The following KCNH5 variants were observed in gnomAD, a reference collection of about 807,000 sequenced individuals.
KCNH5 encodes potassium voltage-gated channel subfamily H member 5, also known as voltage-gated delayed rectifier potassium channel KCNH5.
A neutral mutation model predicts 96.1 loss-of-function variants in KCNH5; 46 were observed. The observed-to-expected ratio is 0.48, with a 90% CI of 0.38 to 0.61. KCNH5 has a LOEUF of 0.61. KCNH5 is among the 20% of genes least tolerant of loss of function. KCNH5 has a pLI of 0.00. For missense variants in KCNH5, 907 were observed against 1,225.8 expected (o/e 0.74, Z 3.88); for synonymous variants, 439 against 449.8 (o/e 0.98, Z 0.30).
rs1884418566 is a variant in KCNH5, at chr14:62,705,811, C to T, written c.*1697G>A. 6.6e-6 allele frequency: 1 copy of T among 152,056 alleles called. No homozygotes were observed. The highest frequency in any genetic ancestry group is 2.4e-5 in the African/African-American group (1 of 41,434). The allele number at this position is 152,056 out of a possible 1,614,324, so 9.4% of individuals were successfully genotyped here. The stretch of plus-strand genomic sequence containing the variant: ...ATACTGGGAGATAGAAAAGCTCATA[C>T]AAATGGGTATAATAGATCAAGATAT... On this transcript the variant is annotated 3_prime_UTR_variant, in exon 11 of 11. Transcript: ENST00000322893.
chr14:62,801,546 C>A, intron 9 of KCNH5, among the ~76,000 whole-genome samples: 1 of 124,700 alleles, frequency 8.0e-6, no homozygotes, highest in East Asian at 2.3e-4. Context: ...CCTACACTGT[C>A]CCCAAACATG....
chr14:62,708,661 A>G (rs1392212079), intron 10 of KCNH5, among the ~76,000 whole-genome samples: 1 of 152,200 alleles, frequency 6.6e-6, no homozygotes, highest in Non-Finnish European at 1.5e-5. Context: ...AACCCAACAT[A>G]GAAATGTTGG....
At chr14:62,820,793 G>T (rs1887099584) in intron 8 of KCNH5, among the ~76,000 whole-genome samples, 1 of 152,080 alleles carries the variant, frequency 6.6e-6, no homozygotes, top group South Asian at 2.1e-4. Flanking sequence ...TAGTGACAAT[G>T]AACATATACA....
chr14:62,796,157 C>G (rs149882222), intron 9 of KCNH5, among the ~76,000 whole-genome samples: 101 of 152,210 alleles, frequency 6.6e-4, no homozygotes, highest in Non-Finnish European at 1.1e-3. Context: ...GAGATTGACA[C>G]AATTATACCT....
chr14:62,799,252 T>G (rs1886599189), intron 9 of KCNH5, among the ~76,000 whole-genome samples: 3 of 151,880 alleles, frequency 2.0e-5, no homozygotes. Flanking sequence ...AACCCACCAC[T>G]CTCAGTACCA....
At chr14:62,853,939 G>A (rs1354291829) in intron 7 of KCNH5, among the ~76,000 whole-genome samples, 12 of 150,670 alleles carry the variant, frequency 8.0e-5, no homozygotes, top group East Asian at 2.0e-4. Context: ...CCCGGGAGGC[G>A]GAGGTTGCAG....
intron 9 of KCNH5, among the ~76,000 whole-genome samples, chr14:62,780,172 C>T (rs1021088687): frequency 1.3e-5 from 2 of 152,162 alleles, no homozygotes; most frequent in African/African-American, 4.8e-5. Context: ...AGAAGCCAAA[C>T]ACCTCATTTT....
intron 7 of KCNH5, among the ~76,000 whole-genome samples, chr14:62,936,144 T>C (rs1889675809): frequency 6.6e-6 from 1 of 152,094 alleles, no homozygotes; most frequent in Non-Finnish European, 1.5e-5. Context: ...AGAGGCAGTA[T>C]AGGAGAAGAG....
intron 2 of KCNH5, among the ~76,000 whole-genome samples, chr14:63,015,829 C>T (rs1045123907): frequency 6.6e-6 from 1 of 151,756 alleles, no homozygotes; most frequent in Non-Finnish European, 1.5e-5. Context: ...TATTTCTGAT[C>T]ACATTTGGTT....
At chr14:62,784,089 A>C (rs533337077) in intron 9 of KCNH5, among the ~76,000 whole-genome samples, 1 of 152,316 alleles carries the variant, frequency 6.6e-6, no homozygotes, top group East Asian at 1.9e-4. Flanking sequence ...AAAGAGGTTT[A>C]ATTGACTCAC....
intron 7 of KCNH5, among the ~76,000 whole-genome samples, chr14:62,900,642 A>G (rs1888906105): frequency 6.6e-6 from 1 of 152,164 alleles, no homozygotes. Flanking sequence ...CTTGAAAATA[A>G]ATGAGCTCTG....
chr14:62,766,176 C>G (rs1885855287), intron 10 of KCNH5, among the ~76,000 whole-genome samples: 1 of 152,122 alleles, frequency 6.6e-6, no homozygotes, highest in African/African-American at 2.4e-5. Context: ...CAAGCAATAG[C>G]AAATGCTGAC....
intron 7 of KCNH5, among the ~76,000 whole-genome samples, chr14:62,918,296 T>C (rs928828407): frequency 5.9e-5 from 9 of 152,090 alleles, no homozygotes; most frequent in African/African-American, 1.9e-4. Flanking sequence ...CAATGTAATG[T>C]ACAACATACA....
At chr14:62,925,235 T>A (rs908968768) in intron 7 of KCNH5, among the ~76,000 whole-genome samples, 2 of 152,010 alleles carry the variant, frequency 1.3e-5, no homozygotes, top group Non-Finnish European at 2.9e-5. Context: ...TAAATTACTG[T>A]TTAACTAAAA....
chr14:62,788,317 A>G (rs1442178167), intron 9 of KCNH5, among the ~76,000 whole-genome samples: 1 of 152,184 alleles, frequency 6.6e-6, no homozygotes, highest in Non-Finnish European at 1.5e-5. Flanking sequence ...GAGCCTGAAA[A>G]TGTGGATGAC....
intron 7 of KCNH5, among the ~76,000 whole-genome samples, chr14:62,897,498 A>C (rs1305659927): frequency 6.6e-6 from 1 of 152,170 alleles, no homozygotes; most frequent in Non-Finnish European, 1.5e-5. Context: ...AGAAGAAAGA[A>C]GCTTTTTACC....
At chr14:62,881,863 A>G (rs2140076677) in intron 7 of KCNH5, among the ~76,000 whole-genome samples, 1 of 152,280 alleles carries the variant, frequency 6.6e-6, no homozygotes, top group South Asian at 2.1e-4. Flanking sequence ...CTAGTTCCTG[A>G]AAAGATTAAT....
intron 6 of KCNH5, among the ~76,000 whole-genome samples, chr14:62,969,601 C>T (rs552919582): frequency 1.4e-3 from 208 of 151,650 alleles, no homozygotes; most frequent in Admixed American, 0.013. Flanking sequence ...CTGCCAGGGA[C>T]GGGGAGGGAG....
chr14:62,971,931 T>G (rs937254578), intron 6 of KCNH5, among the ~76,000 whole-genome samples: 2 of 152,112 alleles, frequency 1.3e-5, no homozygotes, highest in Admixed American at 6.6e-5. Flanking sequence ...AAAATCTAGA[T>G]GACCTTGAGT....
Sources: allele counts gnomAD v4.1 joint callset (sites outside exome capture counted in the v4.1 genomes callset), GRCh38; gene constraint gnomAD v4.1.1; transcripts MANE v1.5; gene names NCBI Gene and HGNC (gene_info 2026-07-23, HGNC 2026-07-21).